Variants in ACTR3C observed in about 807,000 individuals in gnomAD.
The protein encoded by ACTR3C is actin related protein 3C, also known as actin-related protein 3C.
A neutral mutation model predicts 26.3 loss-of-function variants in ACTR3C; 18 were observed. That is an observed-to-expected ratio of 0.68 (90% CI 0.47 to 1.01). The LOEUF is 1.01. Among genes scored for constraint, ACTR3C ranks in the 50% least tolerant of loss-of-function variants. ACTR3C has a pLI of 0.00. For missense variants in ACTR3C, 184 were observed against 250.7 expected, an observed-to-expected ratio of 0.73 and a Z score of 1.80; for synonymous variants, 55 against 94.5, an observed-to-expected ratio of 0.58 and a Z score of 2.42.
the ACTR3C span, among the ~76,000 whole-genome samples, chr7:150,164,764 T>C: frequency 0.65 from 98,148 of 151,768 alleles, 32,293 homozygotes; most frequent in African/African-American, 0.74. Flanking sequence ...ATCTCTCAAA[T>C]TTCTGGAATA....
chr7:150,077,374 T>C, the ACTR3C span, among the ~76,000 whole-genome samples: 1 of 150,002 alleles, frequency 6.7e-6, no homozygotes, highest in African/African-American at 2.5e-5. Flanking sequence ...ATTCACCTTC[T>C]ATTAGGTTAC....
chr7:150,202,352 A>G, the ACTR3C span, among the ~76,000 whole-genome samples: 1 of 152,210 alleles, frequency 6.6e-6, no homozygotes, highest in Non-Finnish European at 1.5e-5. Context: ...TGTTTTTATA[A>G]TGATACAGAT....
At chr7:150,151,704 G>C in the ACTR3C span, among the ~76,000 whole-genome samples, 2 of 115,904 alleles carry the variant, frequency 1.7e-5, 1 homozygote, top group East Asian at 7.5e-4. Context: ...CATGGACACA[G>C]GAAGGGGAAC....
At chr7:150,137,491 C>T in the ACTR3C span, among the ~76,000 whole-genome samples, 1 of 152,254 alleles carries the variant, frequency 6.6e-6, no homozygotes, top group African/African-American at 2.4e-5. Context: ...TTACTCTGTT[C>T]TTTCTTTTCA....
At chr7:150,226,408 A>G in the ACTR3C span, among the ~76,000 whole-genome samples, 258 of 152,046 alleles carry the variant, frequency 1.7e-3, no homozygotes, top group African/African-American at 6.0e-3. Context: ...AATAGTGTGT[A>G]ATAGTACCTC....
the ACTR3C span, among the ~76,000 whole-genome samples, chr7:150,186,727 G>A: frequency 5.3e-5 from 8 of 152,044 alleles, no homozygotes; most frequent in African/African-American, 1.7e-4. Context: ...GCCCAAGTAC[G>A]TTCTTCAGAT....
chr7:150,037,333 G>A, the ACTR3C span, among the ~76,000 whole-genome samples: 5 of 59,590 alleles, frequency 8.4e-5, no homozygotes, highest in Admixed American at 5.2e-4. Flanking sequence ...TCCTAAGCCG[G>A]GGGGGGAAGA....
the ACTR3C span, among the ~76,000 whole-genome samples, chr7:150,206,677 C>T: frequency 6.6e-6 from 1 of 152,134 alleles, no homozygotes; most frequent in East Asian, 1.9e-4. Flanking sequence ...ACGCCTTGGC[C>T]TCCCAAAGTG....
the ACTR3C span, among the ~76,000 whole-genome samples, chr7:150,184,823 A>G: frequency 0.12 from 16,690 of 136,410 alleles, 1,845 homozygotes; most frequent in African/African-American, 0.27. Flanking sequence ...GTTCAAGGCC[A>G]CTGCTCTCTT....
At chr7:150,190,539 A>G in the ACTR3C span, among the ~76,000 whole-genome samples, 1 of 152,176 alleles carries the variant, frequency 6.6e-6, no homozygotes, top group African/African-American at 2.4e-5. Flanking sequence ...TAGTATTTCT[A>G]TGGGTGGGCA....
chr7:150,118,914 G>T, the ACTR3C span, among the ~76,000 whole-genome samples: 1 of 140,514 alleles, frequency 7.1e-6, no homozygotes, highest in Non-Finnish European at 1.5e-5. Flanking sequence ...AGCCAGAAGA[G>T]AGTGGGGGCC....
chr7:150,059,018 A>AC, the ACTR3C span, among the ~76,000 whole-genome samples: 1 of 152,146 alleles, frequency 6.6e-6, no homozygotes, highest in Non-Finnish European at 1.5e-5. Context: ...CTGAACTAAA[A>AC]CCAGAATCCT....
At chr7:149,958,922 C>A in the ACTR3C span, among the ~76,000 whole-genome samples, 4 of 152,186 alleles carry the variant, frequency 2.6e-5, no homozygotes, top group African/African-American at 9.7e-5. Context: ...GGAATTGTGT[C>A]AGCTAAGGCC....
the ACTR3C span, among the ~76,000 whole-genome samples, chr7:149,937,948 G>C: frequency 1.3e-5 from 2 of 152,186 alleles, no homozygotes; most frequent in African/African-American, 4.8e-5. Context: ...TCCCAGCGGG[G>C]AATGGGAGGA....
chr7:150,045,266 G>A, the ACTR3C span, among the ~76,000 whole-genome samples: 1 of 152,146 alleles, frequency 6.6e-6, no homozygotes, highest in East Asian at 1.9e-4. Context: ...AGGAAAAGTG[G>A]TTTGATATGT....
chr7:150,137,177 T>C, the ACTR3C span, among the ~76,000 whole-genome samples: 28 of 152,288 alleles, frequency 1.8e-4, no homozygotes, highest in African/African-American at 6.5e-4. Flanking sequence ...GGTTGGGGAC[T>C]TCTGCTTTAT....
the ACTR3C span, among the ~76,000 whole-genome samples, chr7:150,032,658 C>T: frequency 6.6e-6 from 1 of 151,252 alleles, no homozygotes; most frequent in Non-Finnish European, 1.5e-5. Flanking sequence ...GTTAGGGAGA[C>T]AGACAGAAAG....
chr7:150,156,556 GGAGA>G, the ACTR3C span, among the ~76,000 whole-genome samples: 59 of 150,322 alleles, frequency 3.9e-4, no homozygotes, highest in African/African-American at 1.4e-3. Context: ...GAGAGAGAGA[GGAGA>G]GAGAGAGAGA....
chr7:150,261,122 C>A (rs1833606828), intron 6 of ACTR3C, among the ~76,000 whole-genome samples: 1 of 152,168 alleles, frequency 6.6e-6, no homozygotes, highest in Non-Finnish European at 1.5e-5. Context: ...ATTTCAAAGT[C>A]ATGCTGAGAG....
Sources: gnomAD v4.1 joint callset for allele counts (sites outside exome capture counted in the v4.1 genomes callset) on GRCh38, gnomAD v4.1.1 for gene constraint, MANE v1.5 for transcripts, NCBI Gene and HGNC (gene_info 2026-07-23, HGNC 2026-07-21) for gene names.